LURAP1L: variants seen among roughly 807,000 people sequenced by gnomAD.
LURAP1L encodes the protein leucine rich adaptor protein 1 like.
A neutral mutation model predicts 13.8 loss-of-function variants in LURAP1L; 12 were observed. The ratio of observed to expected loss-of-function variants is 0.87; its 90% CI spans 0.56 to 1.41. The LOEUF (loss-of-function observed/expected upper bound fraction) is 1.41. LURAP1L is among the 40% of genes most tolerant of loss of function. The pLI, the probability that LURAP1L is intolerant of heterozygous loss-of-function variation, is 0.00. For missense variants in LURAP1L, 375 were observed against 292.9 expected (o/e 1.28, Z -2.04); for synonymous variants, 139 against 119.2 (o/e 1.17, Z -1.08).
rs61134838 is a variant in LURAP1L, at chr9:12,786,581, T to TATATAA, written c.312+10555_312+10556insTATAAA. On this transcript the variant is annotated intron_variant, in intron 1 of 1. Coordinates refer to ENST00000319264, the MANE Select transcript of LURAP1L (RefSeq NM_203403.2). The stretch of plus-strand genomic sequence containing the variant: ...ATATATATATATATATATATATATA[T>TATATAA]AAACCCTTGTGCCTTAAGTCTGTAT... Among the ~76,000 whole-genome samples, 6 of 121,452 alleles carry TATATAA rather than the reference T, an allele frequency of 4.9e-5. No individual in the cohort carries two copies. In the South Asian group the frequency reaches 9.7e-4, roughly 20 times the overall value. 79.7% of individuals were successfully genotyped at this position (121,452 alleles called of 152,430 possible).
At chr9:12,801,769 C>T (rs1196009719) in intron 1 of LURAP1L, among the ~76,000 whole-genome samples, 3 of 152,064 alleles carry the variant, frequency 2.0e-5, no homozygotes, top group Non-Finnish European at 4.4e-5. Context: ...GAGAATAACT[C>T]AAAACACAAG....
At chr9:12,806,180 A>G (rs1563895727) in intron 1 of LURAP1L, among the ~76,000 whole-genome samples, 1 of 152,116 alleles carries the variant, frequency 6.6e-6, no homozygotes, top group Non-Finnish European at 1.5e-5. Context: ...TAGAGGGAAC[A>G]TTTGTCAAAG....
chr9:12,782,239 T>G (rs772955153), intron 1 of LURAP1L, among the ~76,000 whole-genome samples: 25 of 152,250 alleles, frequency 1.6e-4, no homozygotes, highest in Non-Finnish European at 3.4e-4. Flanking sequence ...TTTCCTTTGC[T>G]GTGCAGAAGT....
intron 1 of LURAP1L, among the ~76,000 whole-genome samples, chr9:12,815,660 G>C (rs1313156051): frequency 2.6e-5 from 4 of 152,078 alleles, no homozygotes; most frequent in African/African-American, 4.8e-5. Context: ...TATCTGACTA[G>C]TTGACATTCA....
chr9:12,820,499 T>TACCCCC (rs1819859764), intron 1 of LURAP1L, among the ~76,000 whole-genome samples: 1 of 14,696 alleles, frequency 6.8e-5, no homozygotes, highest in Non-Finnish European at 1.8e-4. Context: ...CGAGACTCCG[T>TACCCCC]CCCCCCCCCC....
chr9:12,779,622 A>G (rs1025121122), intron 1 of LURAP1L, among the ~76,000 whole-genome samples: 21 of 152,280 alleles, frequency 1.4e-4, no homozygotes, highest in African/African-American at 5.1e-4. Context: ...TCTTATAGAC[A>G]AAGCATTGAG....
intron 1 of LURAP1L, among the ~76,000 whole-genome samples, chr9:12,804,902 C>T (rs1819635575): frequency 1.3e-5 from 2 of 152,012 alleles, no homozygotes; most frequent in Admixed American, 6.6e-5. Context: ...TCCAGCCCAC[C>T]TGTTTTTGTA....
rs747497098 is a variant in LURAP1L at position 12,821,537 on chromosome 9, G to C, written c.464G>C (p.Ser155Thr). 2 of 1,614,044 alleles carry C rather than the reference G, an allele frequency of 1.2e-6. No individual in the cohort carries two copies. Among genetic ancestry groups the C allele is most frequent in the Non-Finnish European group, 1.7e-6 (2 of 1,180,036 alleles). ...LSGSLCSLLE[S>T]QSTSLRGSYN... ...GGCAGCCTGTGCAGTTTGTTGGAGA[G>C]TCAGAGCACCTCCTTACGTGGCAGC... The change falls in exon 2 of 2, where the codon AGT becomes ACT. Residue 155 changes from serine (S) to threonine (T), a missense_variant. Ser to Thr is a moderately conservative substitution (Grantham distance 58). Coordinates refer to ENST00000319264, the MANE Select transcript of LURAP1L (RefSeq NM_203403.2).
At chr9:12,812,510 C>CA (rs555352721) in intron 1 of LURAP1L, among the ~76,000 whole-genome samples, 132 of 152,206 alleles carry the variant, frequency 8.7e-4, no homozygotes, top group African/African-American at 3.1e-3. Flanking sequence ...TTCTCCCCTA[C>CA]AAAAAATTTT....
At chr9:12,814,905 C>T (rs1819783808) in intron 1 of LURAP1L, among the ~76,000 whole-genome samples, 1 of 152,116 alleles carries the variant, frequency 6.6e-6, no homozygotes, top group South Asian at 2.1e-4. Context: ...AGGGAATCCT[C>T]TGTTGCCCAG....
intron 1 of LURAP1L, among the ~76,000 whole-genome samples, chr9:12,806,190 G>C (rs1819654037): frequency 6.6e-6 from 1 of 152,120 alleles, no homozygotes; most frequent in African/African-American, 2.4e-5. Flanking sequence ...ATTTGTCAAA[G>C]ATTGATTTAG....
At chr9:12,815,211 G>A (rs1235022048) in intron 1 of LURAP1L, among the ~76,000 whole-genome samples, 1 of 152,178 alleles carries the variant, frequency 6.6e-6, no homozygotes. Flanking sequence ...TCAAATTGAG[G>A]ATGTCCTGAA....
intron 1 of LURAP1L, among the ~76,000 whole-genome samples, chr9:12,796,230 T>G (rs942234366): frequency 6.6e-6 from 1 of 151,952 alleles, no homozygotes; most frequent in Admixed American, 6.6e-5. Context: ...TGTTGAAACG[T>G]AATGTACACT....
At chr9:12,776,273 T>G (rs933925943) in intron 1 of LURAP1L, among the ~76,000 whole-genome samples, 1 of 152,152 alleles carries the variant, frequency 6.6e-6, no homozygotes. Context: ...GGCTCCACTC[T>G]GTGTACTTTC....
intron 1 of LURAP1L, among the ~76,000 whole-genome samples, chr9:12,805,346 T>C (rs1469103569): frequency 6.6e-6 from 1 of 152,154 alleles, no homozygotes; most frequent in Non-Finnish European, 1.5e-5. Context: ...TATTGGTATA[T>C]CCTAGAAGAA....
chr9:12,797,252 C>T (rs1819522348), intron 1 of LURAP1L, among the ~76,000 whole-genome samples: 1 of 152,004 alleles, frequency 6.6e-6, no homozygotes, highest in Non-Finnish European at 1.5e-5. Flanking sequence ...TCACCACCCA[C>T]TGCTCCTTAC....
chr9:12,786,547 C>CTATATATAT (rs1554657226), intron 1 of LURAP1L, among the ~76,000 whole-genome samples: 694 of 53,002 alleles, frequency 0.013, 19 homozygotes, highest in Middle Eastern at 0.026. Context: ...ATATATATGA[C>CTATATATAT]ATATATATAT....
intron 1 of LURAP1L, among the ~76,000 whole-genome samples, chr9:12,811,759 A>G (rs1202387602): frequency 6.6e-6 from 1 of 152,200 alleles, no homozygotes; most frequent in African/African-American, 2.4e-5. Flanking sequence ...AAATATCCCA[A>G]ATCTTAACAA....
In LURAP1L at chr9:12,793,247, C is replaced by T. The variant is rs16929554; in HGVS notation, c.312+17220C>T. Among the ~76,000 whole-genome samples, 589 of 152,114 alleles carry T rather than the reference C, an allele frequency of 3.9e-3. 4 individuals are homozygous for T. The highest frequency in any genetic ancestry group is 0.014 in the African/African-American group (567 of 41,550). ...ACCCTGTCTACCAATGTGCATTCTGCTTCAGGGCAATCTTATACCACAGAG... is the reference window on the plus strand; with the variant it reads ...ACCCTGTCTACCAATGTGCATTCTGTTTCAGGGCAATCTTATACCACAGAG... On this transcript the variant is annotated intron_variant, in intron 1 of 1. Coordinates refer to ENST00000319264, the MANE Select transcript of LURAP1L (RefSeq NM_203403.2).
Sources: gnomAD v4.1 joint callset for allele counts (sites outside exome capture counted in the v4.1 genomes callset) on GRCh38, gnomAD v4.1.1 for gene constraint, MANE v1.5 for transcripts, NCBI Gene and HGNC (gene_info 2026-07-23, HGNC 2026-07-21) for gene names.